Variants in KCNN2 observed in about 807,000 individuals in gnomAD.
KCNN2 encodes small conductance calcium-activated potassium channel protein 2.
KCNN2 carries 24 observed loss-of-function variants against 55.5 expected under a neutral mutation model. That is an observed-to-expected ratio of 0.43 (90% CI 0.31 to 0.61). The LOEUF (loss-of-function observed/expected upper bound fraction) is 0.61. KCNN2 is among the 20% of genes least tolerant of loss of function. KCNN2 has a pLI of 0.08. For missense variants in KCNN2, 754 were observed against 853.6 expected, an observed-to-expected ratio of 0.88 and a Z score of 1.45; for synonymous variants, 431 against 336.1, an observed-to-expected ratio of 1.28 and a Z score of -3.09.
intron 1 of KCNN2, among the ~76,000 whole-genome samples, chr5:114,173,558 T>C (rs1224362284): frequency 1.3e-5 from 2 of 151,610 alleles, no homozygotes; most frequent in African/African-American, 4.8e-5. Context: ...AGAGATTACA[T>C]TGAATCTGTA....
chr5:114,134,765 G>A (rs1157781896), intron 1 of KCNN2, among the ~76,000 whole-genome samples: 3 of 152,030 alleles, frequency 2.0e-5, no homozygotes, highest in Admixed American at 1.3e-4. Flanking sequence ...GTGAGCCACC[G>A]CACCCAGCCC....
At chr5:114,058,655 A>T (rs1036151140) in intron 1 of KCNN2, among the ~76,000 whole-genome samples, 1 of 152,182 alleles carries the variant, frequency 6.6e-6, no homozygotes, top group Non-Finnish European at 1.5e-5. Context: ...GATGTTTTTA[A>T]GGAAGAGAAA....
chr5:114,086,937 A>G (rs1215301342), intron 1 of KCNN2, among the ~76,000 whole-genome samples: 1 of 151,982 alleles, frequency 6.6e-6, no homozygotes, highest in Non-Finnish European at 1.5e-5. Context: ...CAGCCTCACC[A>G]GTATCTTTTG....
intron 2 of KCNN2, among the ~76,000 whole-genome samples, chr5:114,315,990 G>T (rs1756493443): frequency 1.3e-5 from 2 of 152,084 alleles, no homozygotes; most frequent in African/African-American, 4.8e-5. Flanking sequence ...CATTTGGTCT[G>T]GGCCTTGTAT....
chr5:114,464,330 A>AGAGT (rs1438524170), intron 4 of KCNN2, among the ~76,000 whole-genome samples: 1 of 152,238 alleles, frequency 6.6e-6, no homozygotes, highest in Non-Finnish European at 1.5e-5. Context: ...CTTACAGCAA[A>AGAGT]GAGTGTCATC....
At chr5:114,259,457 G>C (rs1276272336) in intron 2 of KCNN2, among the ~76,000 whole-genome samples, 1 of 152,214 alleles carries the variant, frequency 6.6e-6, no homozygotes. Context: ...CTCGGGTCCA[G>C]GGGTTGGTGA....
At chr5:114,431,117 A>AC (rs980329482) in intron 3 of KCNN2, among the ~76,000 whole-genome samples, 12 of 151,826 alleles carry the variant, frequency 7.9e-5, no homozygotes, top group Admixed American at 1.3e-4. Context: ...TTAGAAACTT[A>AC]CCCCCCCATC....
intron 2 of KCNN2, among the ~76,000 whole-genome samples, chr5:114,234,640 T>C (rs1754435676): frequency 6.6e-6 from 1 of 152,170 alleles, no homozygotes; most frequent in South Asian, 2.1e-4. Flanking sequence ...TCACGGTTGT[T>C]GAGAATCTGC....
chr5:114,207,390 G>A (rs1042858294), intron 1 of KCNN2, among the ~76,000 whole-genome samples: 3 of 152,090 alleles, frequency 2.0e-5, no homozygotes, highest in Admixed American at 6.6e-5. Context: ...ATGGTATATC[G>A]CTGAGCAAAT....
At chr5:114,251,787 A>G (rs1033562535) in intron 2 of KCNN2, among the ~76,000 whole-genome samples, 2 of 151,368 alleles carry the variant, frequency 1.3e-5, no homozygotes, top group South Asian at 2.1e-4. Context: ...GACCCTGAGT[A>G]TATTTTTTAT....
At chr5:114,355,844 T>C (rs1757285660) in intron 2 of KCNN2, among the ~76,000 whole-genome samples, 1 of 152,164 alleles carries the variant, frequency 6.6e-6, no homozygotes, top group African/African-American at 2.4e-5. Context: ...GAAGAGTGTG[T>C]CTGAATACAT....
intron 1 of KCNN2, among the ~76,000 whole-genome samples, chr5:114,171,844 T>C (rs1753039271): frequency 6.6e-6 from 1 of 151,904 alleles, no homozygotes; most frequent in Non-Finnish European, 1.5e-5. Flanking sequence ...TGCTTTACCA[T>C]GTCTTTGTGA....
intron 3 of KCNN2, among the ~76,000 whole-genome samples, chr5:114,425,150 A>G (rs188393476): frequency 1.3e-3 from 201 of 152,326 alleles, no homozygotes; most frequent in African/African-American, 4.5e-3. Flanking sequence ...AATGAAAGAT[A>G]CTACAATTTG....
chr5:114,161,330 C>G (rs1188232791), intron 1 of KCNN2, among the ~76,000 whole-genome samples: 2 of 146,122 alleles, frequency 1.4e-5, no homozygotes, highest in Non-Finnish European at 3.0e-5. Flanking sequence ...AATATTGGCC[C>G]CCACTCTCTC....
chr5:114,230,086 G>T (rs1251570477), intron 2 of KCNN2, among the ~76,000 whole-genome samples: 1 of 152,094 alleles, frequency 6.6e-6, no homozygotes, highest in Non-Finnish European at 1.5e-5. Context: ...ACAACTAAGA[G>T]ATTGTATTAT....
At chr5:114,302,359 A>ATTGTATTAGATAGAT (rs1402856559) in intron 2 of KCNN2, among the ~76,000 whole-genome samples, 23 of 152,182 alleles carry the variant, frequency 1.5e-4, no homozygotes, top group Admixed American at 1.5e-3. Context: ...TTTATTTAGG[A>ATTGTATTAGATAGAT]CCTACTATAT....
chr5:114,091,746 A>G (rs1210465857), intron 1 of KCNN2, among the ~76,000 whole-genome samples: 3 of 152,186 alleles, frequency 2.0e-5, no homozygotes, highest in East Asian at 3.9e-4. Flanking sequence ...AGGAAGGAGA[A>G]TGAACACAGG....
chr5:114,273,532 T>G lies in KCNN2; in HGVS notation c.-185+51967T>G, dbSNP rs1755416259. On this transcript the variant is annotated intron_variant, in intron 2 of 10. Transcript: ENST00000512097. ...CAGCATCTATTGTTTCCTGACTTTT[T>G]AATGATTGCCATTCTAACTGGCATG... Among the ~76,000 whole-genome samples the G allele has an allele frequency of 3.3e-5, 5 of 152,222 alleles. No individual in the cohort carries two copies. The South Asian group carries it at 1.0e-3, about 32-fold the overall frequency.
intron 1 of KCNN2, among the ~76,000 whole-genome samples, chr5:114,087,488 T>C (rs1219660724): frequency 6.6e-6 from 1 of 152,190 alleles, no homozygotes; most frequent in African/African-American, 2.4e-5. Context: ...TTTATTCTTC[T>C]GCATGTGGCT....
Sources: gnomAD v4.1 joint callset for allele counts (sites outside exome capture counted in the v4.1 genomes callset) on GRCh38, gnomAD v4.1.1 for gene constraint, MANE v1.5 for transcripts, NCBI Gene and HGNC (gene_info 2026-07-23, HGNC 2026-07-21) for gene names.